Variants in PPP1R8 observed in about 807,000 individuals in gnomAD.
The protein encoded by PPP1R8 is nuclear inhibitor of protein phosphatase 1.
PPP1R8 carries 4 observed loss-of-function variants against 31.3 expected under a neutral mutation model. That is an observed-to-expected ratio of 0.13 (90% CI 0.06 to 0.29). The LOEUF is 0.29. Among genes scored for constraint, PPP1R8 ranks in the 10% least tolerant of loss-of-function variants. PPP1R8 has a pLI of 1.00. For missense variants in PPP1R8, 254 were observed against 440.1 expected (o/e 0.58, Z 3.78); for synonymous variants, 170 against 169.7 (o/e 1.00, Z -0.01).
intron 3 of PPP1R8, among the ~76,000 whole-genome samples, chr1:27,840,363 G>T (rs770142626): frequency 6.6e-6 from 1 of 152,122 alleles, no homozygotes; most frequent in Non-Finnish European, 1.5e-5. Context: ...GCTTTGTCTC[G>T]CAAATACTTA....
chr1:27,835,085 T>G (rs1035364703), intron 2 of PPP1R8, among the ~76,000 whole-genome samples: 1 of 152,126 alleles, frequency 6.6e-6, no homozygotes, highest in African/African-American at 2.4e-5. Context: ...TGTGTACATT[T>G]AATTTGGAGG....
intron 5 of PPP1R8, 53 bp from the exon 6 acceptor site, chr1:27,846,975 T>C (rs2148620031): frequency 6.8e-7 from 1 of 1,470,386 alleles, no homozygotes; most frequent in East Asian, 2.3e-5. Flanking sequence ...TCCTGTGCCC[T>C]TATTCCTCCC....
chr1:27,835,748 A>G (rs1388554369), intron 2 of PPP1R8, among the ~76,000 whole-genome samples: 1 of 152,262 alleles, frequency 6.6e-6, no homozygotes, highest in Non-Finnish European at 1.5e-5. Context: ...AAAACAGCTT[A>G]GACTCTGAAG....
intron 6 of PPP1R8, among the ~76,000 whole-genome samples, chr1:27,848,157 C>T (rs1292170267): frequency 3.3e-5 from 5 of 152,112 alleles, no homozygotes; most frequent in African/African-American, 1.2e-4. Flanking sequence ...AATCCCAGCA[C>T]TTTGGGAGGC....
chr1:27,847,506 C>CAA (rs78384567), intron 6 of PPP1R8, among the ~76,000 whole-genome samples: 4 of 82,112 alleles, frequency 4.9e-5, no homozygotes, highest in Non-Finnish European at 4.9e-5. Flanking sequence ...GACTCTGTCT[C>CAA]AAAAAAAAAA....
intron 2 of PPP1R8, among the ~76,000 whole-genome samples, chr1:27,833,456 A>G (rs879349315): frequency 6.6e-6 from 1 of 152,230 alleles, no homozygotes; most frequent in African/African-American, 2.4e-5. Flanking sequence ...ATTAAGTACT[A>G]TAAAAGTTTA....
rs922959099 is a variant in PPP1R8, at chr1:27,850,684, G to C, written c.*238G>C. The stretch of plus-strand genomic sequence containing the variant: ...CTTCTTATATCCTTTTCAATAGACT[G>C]CCCTGGCTCTTTCCTAGGCCTTCCA... On this transcript the variant is annotated 3_prime_UTR_variant, in exon 7 of 7. Transcript: ENST00000311772. The C allele has an allele frequency of 2.6e-5, 12 of 458,810 alleles. No individual in the cohort carries two copies. Among genetic ancestry groups the C allele is most frequent in the African/African-American group, 2.3e-4 (12 of 51,720 alleles). 28.4% of individuals were successfully genotyped at this position (458,810 alleles called of 1,614,324 possible). A position where few individuals can be genotyped will look rare whatever the true frequency, so the allele number is the denominator to read the frequency against.
chr1:27,831,687 A>T (rs2089109606), intron 1 of PPP1R8, among the ~76,000 whole-genome samples: 1 of 152,210 alleles, frequency 6.6e-6, no homozygotes, highest in Non-Finnish European at 1.5e-5. Flanking sequence ...TGAGTCAGGC[A>T]CATAGTAGGA....
At chr1:27,839,775 A>G (rs1323250072) in intron 3 of PPP1R8, among the ~76,000 whole-genome samples, 1 of 152,040 alleles carries the variant, frequency 6.6e-6, no homozygotes, top group Non-Finnish European at 1.5e-5. Flanking sequence ...TTCCATAAGC[A>G]AGGCCAGGCA....
At chr1:27,846,559 C>A (rs1571555973) in intron 5 of PPP1R8, among the ~76,000 whole-genome samples, 1 of 152,348 alleles carries the variant, frequency 6.6e-6, no homozygotes, top group East Asian at 1.9e-4. Context: ...AATAAGCAGG[C>A]ATTAGCAAGG....
At chr1:27,834,037 A>G (rs2089137663) in intron 2 of PPP1R8, among the ~76,000 whole-genome samples, 1 of 152,220 alleles carries the variant, frequency 6.6e-6, no homozygotes, top group African/African-American at 2.4e-5. Context: ...TTTGCTATAG[A>G]TTGTTCCACA....
intron 6 of PPP1R8, among the ~76,000 whole-genome samples, chr1:27,847,466 C>T (rs1557432328): frequency 6.7e-6 from 1 of 150,216 alleles, no homozygotes; most frequent in Admixed American, 6.6e-5. Context: ...GAGGTCGCAC[C>T]ATTGCACTCC....
chr1:27,833,936 G>C (rs78797610), intron 2 of PPP1R8, among the ~76,000 whole-genome samples: 1 of 152,164 alleles, frequency 6.6e-6, no homozygotes, highest in Non-Finnish European at 1.5e-5. Flanking sequence ...GTCACAGAGA[G>C]CCCCTTTGTC....
At position 27,850,094 on chromosome 1, in the gene PPP1R8, A is replaced by G; in HGVS notation, c.704A>G (p.Lys235Arg). The G allele has an allele frequency of 6.4e-7, 1 of 1,564,264 alleles. No homozygotes were observed. Among genetic ancestry groups the G allele is most frequent in the Non-Finnish European group, 8.7e-7 (1 of 1,153,652 alleles). Residue 235 changes from lysine (K) to arginine (R), a missense_variant and splice_region_variant, in exon 7 of 7, where the codon AAG becomes AGG. Lys to Arg is a conservative substitution (Grantham distance 26, BLOSUM62 2). Coordinates refer to ENST00000311772, the MANE Select transcript of PPP1R8 (RefSeq NM_014110.5). ...CCCTCTCCTCATCGTGAACTGTAGA[A>G]GAAGCGTGTGGAGGGCCCTGGCTCC... ...MVQTAVVPVKKKRVEGPGSLG... is the reference protein window; with the variant it reads ...MVQTAVVPVKRKRVEGPGSLG...
intron 5 of PPP1R8, among the ~76,000 whole-genome samples, chr1:27,846,000 C>T (rs922862418): frequency 2.0e-5 from 3 of 151,848 alleles, no homozygotes; most frequent in Non-Finnish European, 4.4e-5. Flanking sequence ...CCATGTTAGC[C>T]AGGATGGTTT....
chr1:27,845,910 G>A (rs1025832265), intron 5 of PPP1R8, among the ~76,000 whole-genome samples: 3 of 149,304 alleles, frequency 2.0e-5, no homozygotes, highest in South Asian at 2.1e-4. Flanking sequence ...CTGCCTCAGC[G>A]TCCCGAGTAG....
intron 6 of PPP1R8, among the ~76,000 whole-genome samples, chr1:27,847,522 A>G (rs1387134164): frequency 2.0e-5 from 3 of 149,216 alleles, no homozygotes; most frequent in Admixed American, 6.7e-5. Context: ...AAAAAAAAAA[A>G]GAGATTGAGA....
At chr1:27,841,414 A>G (rs1249102941) in intron 4 of PPP1R8, among the ~76,000 whole-genome samples, 180 bp downstream of exon 4, 8 of 152,012 alleles carry the variant, frequency 5.3e-5, no homozygotes, top group Admixed American at 4.6e-4. Flanking sequence ...GCCACATTGT[A>G]TGGATTTGGT....
At chr1:27,835,926 A>T (rs1557427043) in intron 2 of PPP1R8, among the ~76,000 whole-genome samples, 1 of 152,250 alleles carries the variant, frequency 6.6e-6, no homozygotes, top group Non-Finnish European at 1.5e-5. Flanking sequence ...TGTAAAACTC[A>T]TAGCATAGTG....
Sources: gnomAD v4.1 joint callset for allele counts (sites outside exome capture counted in the v4.1 genomes callset) on GRCh38, gnomAD v4.1.1 for gene constraint, MANE v1.5 for transcripts, NCBI Gene and HGNC (gene_info 2026-07-23, HGNC 2026-07-21) for gene names.